Variants in ARMC2 observed in about 807,000 individuals in gnomAD.
ARMC2 encodes the protein armadillo repeat containing 2.
ARMC2 carries 67 observed loss-of-function variants against 90.3 expected under a neutral mutation model. The ratio of observed to expected loss-of-function variants is 0.74; its 90% CI spans 0.61 to 0.91. The LOEUF (loss-of-function observed/expected upper bound fraction) is 0.91, where lower values mean the gene tolerates loss of function less well. Ranked by LOEUF, ARMC2 falls within the 40% of genes least tolerant of loss-of-function variation. The probability of loss-of-function intolerance (pLI) is 0.00; values close to 1 mark genes in which losing one functional copy is unlikely to be tolerated. For synonymous variants in ARMC2, 393 were observed against 393.0 expected, an observed-to-expected ratio of 1.00 and a Z score of 0.00; for missense variants, 920 against 1,030.9, an observed-to-expected ratio of 0.89 and a Z score of 1.47.
the ARMC2 span, among the ~76,000 whole-genome samples, chr6:108,994,764 G>A: frequency 1.0e-4 from 15 of 146,798 alleles, no homozygotes; most frequent in Non-Finnish European, 1.0e-4. Context: ...GTGCAGTGGC[G>A]CGATCTCGGC....
chr6:108,874,455 C>T (rs1049220563), intron 4 of ARMC2, among the ~76,000 whole-genome samples: 1 of 152,136 alleles, frequency 6.6e-6, no homozygotes, highest in African/African-American at 2.4e-5. Flanking sequence ...ACTTTGTAAT[C>T]GGAAACAGAA....
At chr6:108,945,715 C>T (rs1776758441) in intron 12 of ARMC2, among the ~76,000 whole-genome samples, 1 of 152,252 alleles carries the variant, frequency 6.6e-6, no homozygotes, top group African/African-American at 2.4e-5. Flanking sequence ...ATCGTGGTAT[C>T]AGAAATGAGA....
chr6:108,979,875 T>C, the ARMC2 span, among the ~76,000 whole-genome samples: 1 of 151,998 alleles, frequency 6.6e-6, no homozygotes, highest in African/African-American at 2.4e-5. Flanking sequence ...AAACTTATTC[T>C]AGTTAGCAAT....
chr6:108,853,167 A>G (rs2128413473), intron 1 of ARMC2, among the ~76,000 whole-genome samples: 1 of 152,332 alleles, frequency 6.6e-6, no homozygotes, highest in African/African-American at 2.4e-5. Flanking sequence ...GCATTTCCAT[A>G]TGAAAAGTAT....
At chr6:108,928,985 A>C (rs990769766) in intron 11 of ARMC2, among the ~76,000 whole-genome samples, 8 of 152,120 alleles carry the variant, frequency 5.3e-5, no homozygotes, top group Admixed American at 2.0e-4. Context: ...TTTTTTTTTA[A>C]ATGAATGTCA....
chr6:108,928,262 T>C, intron 11 of ARMC2, 29 bp downstream of exon 11: 1 of 1,426,576 alleles, frequency 7.0e-7, no homozygotes, highest in Non-Finnish European at 9.3e-7. Context: ...GAAGTAGCCT[T>C]ACAAAAATGC....
chr6:108,852,242 A>G (rs927232301), intron 1 of ARMC2, among the ~76,000 whole-genome samples: 1 of 152,216 alleles, frequency 6.6e-6, no homozygotes, highest in Non-Finnish European at 1.5e-5. Context: ...CTTCTAAGTC[A>G]GTTCACATGT....
intron 13 of ARMC2, among the ~76,000 whole-genome samples, chr6:108,959,709 G>A (rs1317693333): frequency 3.3e-5 from 5 of 151,468 alleles, no homozygotes; most frequent in African/African-American, 1.2e-4. Context: ...TTTTTGAGAT[G>A]GGGTCTCCCT....
At chr6:108,921,171 A>C (rs1002438256) in intron 10 of ARMC2, among the ~76,000 whole-genome samples, 1 of 152,188 alleles carries the variant, frequency 6.6e-6, no homozygotes, top group South Asian at 2.1e-4. Flanking sequence ...CTGCATTGCC[A>C]TTCTAGATTG....
intron 9 of ARMC2, among the ~76,000 whole-genome samples, chr6:108,911,535 T>G (rs1773427412): frequency 6.6e-6 from 1 of 152,074 alleles, no homozygotes; most frequent in Admixed American, 6.5e-5. Context: ...ATATTGCTGA[T>G]ACAAGAAAAG....
At chr6:108,952,937 A>G (rs1400303073) in intron 12 of ARMC2, 96 bp from the exon 13 acceptor site, 54 of 1,174,500 alleles carry the variant, frequency 4.6e-5, no homozygotes, top group Non-Finnish European at 1.7e-5. Context: ...CCATTTTACT[A>G]TTAATGCAAT....
the ARMC2 span, among the ~76,000 whole-genome samples, chr6:109,027,187 T>C: frequency 6.7e-6 from 1 of 150,064 alleles, no homozygotes; most frequent in African/African-American, 2.5e-5. Context: ...ATAAAATACA[T>C]CTTGGCTGGG....
chr6:108,914,170 ATGTG>A (rs1202732536), intron 10 of ARMC2, among the ~76,000 whole-genome samples: 2 of 151,964 alleles, frequency 1.3e-5, no homozygotes, highest in African/African-American at 4.8e-5. Context: ...GTGTGTGTGT[ATGTG>A]TGTGTATGTG....
At chr6:108,990,943 C>T in the ARMC2 span, 1 of 957,586 alleles carries the variant, frequency 1.0e-6, no homozygotes, top group Non-Finnish European at 1.5e-6. Flanking sequence ...GACAATCCAA[C>T]TGGCTTTTAT....
chr6:109,044,884 G>T, the ARMC2 span, among the ~76,000 whole-genome samples: 1 of 152,036 alleles, frequency 6.6e-6, no homozygotes, highest in Non-Finnish European at 1.5e-5. Context: ...TTAGCTGAGC[G>T]TGGTGGCGCA....
intron 15 of ARMC2, among the ~76,000 whole-genome samples, 166 bp downstream of exon 15, chr6:108,962,293 G>C (rs1458849890): frequency 2.6e-5 from 4 of 152,198 alleles, no homozygotes; most frequent in African/African-American, 9.6e-5. Context: ...GACCTAGGCA[G>C]TGTTCCCCTC....
At chr6:109,045,444 T>A in the ARMC2 span, among the ~76,000 whole-genome samples, 2 of 149,112 alleles carry the variant, frequency 1.3e-5, no homozygotes, top group African/African-American at 5.2e-5. Context: ...AAATCCAGAT[T>A]CTTCACATGG....
intron 3 of ARMC2, among the ~76,000 whole-genome samples, chr6:108,858,487 TAAA>T (rs1027149865): frequency 8.6e-5 from 13 of 151,968 alleles, no homozygotes; most frequent in Middle Eastern, 3.2e-3. Context: ...AGTTTGATAA[TAAA>T]GAAGAATTTT....
chr6:108,986,814 C>T, the ARMC2 span: 1 of 152,190 alleles, frequency 6.6e-6, no homozygotes, highest in East Asian at 1.9e-4. Context: ...ATCAAAAGAT[C>T]GCCAGCTTCT....
Sources: gnomAD v4.1 joint callset for allele counts (sites outside exome capture counted in the v4.1 genomes callset) on GRCh38, gnomAD v4.1.1 for gene constraint, MANE v1.5 for transcripts, NCBI Gene and HGNC (gene_info 2026-07-23, HGNC 2026-07-21) for gene names.